The following IST1 variants were observed in gnomAD, a reference collection of about 807,000 sequenced individuals.
IST1 encodes the protein IST1 homolog.
In IST1, 23 loss-of-function variants were observed where a neutral mutation model predicts 37.0. The observed-to-expected ratio is 0.62, with a 90% CI of 0.45 to 0.88. The LOEUF (loss-of-function observed/expected upper bound fraction) is 0.88. Ranked by LOEUF, IST1 falls within the 40% of genes least tolerant of loss-of-function variation. The pLI, the probability that IST1 is intolerant of heterozygous loss-of-function variation, is 0.00. For missense variants in IST1, 488 were observed against 445.4 expected, an observed-to-expected ratio of 1.10 and a Z score of -0.86; for synonymous variants, 180 against 161.7, an observed-to-expected ratio of 1.11 and a Z score of -0.86.
intron 1 of IST1, among the ~76,000 whole-genome samples, chr16:71,900,927 T>C (rs2037094129): frequency 6.6e-6 from 1 of 152,182 alleles, no homozygotes; most frequent in Non-Finnish European, 1.5e-5. Context: ...GTAAAGATGT[T>C]GAAGCACAGT....
intron 1 of IST1, among the ~76,000 whole-genome samples, chr16:71,912,992 C>G (rs1389417327): frequency 6.6e-6 from 1 of 152,142 alleles, no homozygotes; most frequent in Non-Finnish European, 1.5e-5. Flanking sequence ...TTTTGTTTAT[C>G]CATGAATCCC....
chr16:71,914,170 CTT>C (rs35711807), intron 1 of IST1, among the ~76,000 whole-genome samples: 13 of 135,022 alleles, frequency 9.6e-5, no homozygotes, highest in East Asian at 2.1e-4. Context: ...GGGGTTGTAC[CTT>C]TTTTTTTTTT....
chr16:71,915,303 A>C (rs1018569924), intron 1 of IST1, among the ~76,000 whole-genome samples: 6 of 152,072 alleles, frequency 3.9e-5, no homozygotes, highest in East Asian at 1.9e-4. Flanking sequence ...TCTGTCACCA[A>C]ATTCTTTCAG....
intron 1 of IST1, among the ~76,000 whole-genome samples, chr16:71,906,374 C>T (rs1287585233): frequency 6.6e-6 from 1 of 152,026 alleles, no homozygotes; most frequent in Non-Finnish European, 1.5e-5. Flanking sequence ...GTGGTCCGAT[C>T]TCAGCTCACT....
At chr16:71,907,737 T>C (rs2037258456) in intron 1 of IST1, among the ~76,000 whole-genome samples, 1 of 152,246 alleles carries the variant, frequency 6.6e-6, no homozygotes. Context: ...CCTGGCTCTT[T>C]TCTCTGTCAT....
At chr16:71,894,718 T>TTTA, upstream of IST1, 1 of 567,560 alleles carries the variant, frequency 1.8e-6, no homozygotes. Context: ...TTTTTTTTTG[T>TTTA]AGCGATGCGG....
chr16:71,917,235 C>T (rs760632934), intron 4 of IST1, 101 bp downstream of exon 4: 37 of 673,352 alleles, frequency 5.5e-5, no homozygotes, highest in Non-Finnish European at 8.8e-5. Flanking sequence ...TATTTTGTAC[C>T]ATTCTTATGT....
chr16:71,926,744 C>CT (rs773861195), intron 9 of IST1, among the ~76,000 whole-genome samples: 1 of 152,182 alleles, frequency 6.6e-6, no homozygotes, highest in Non-Finnish European at 1.5e-5. Flanking sequence ...CCAGTCAACT[C>CT]TGCCCTTCCC....
chr16:71,895,528 G>A, upstream of IST1: 2 of 985,642 alleles, frequency 2.0e-6, no homozygotes, highest in Non-Finnish European at 2.4e-6. Context: ...CGAGGGAGTC[G>A]CCATTTTGGA....
At chr16:71,917,265 G>A in intron 4 of IST1, 131 bp downstream of exon 4, 1 of 576,668 alleles carries the variant, frequency 1.7e-6, no homozygotes, top group Non-Finnish European at 3.0e-6. Context: ...AATAGGTTTT[G>A]TAAATTTGTT....
At chr16:71,921,041 G>A (rs957963065) in intron 5 of IST1, 3 of 618,090 alleles carry the variant, frequency 4.9e-6, no homozygotes, top group Non-Finnish European at 5.9e-6. Flanking sequence ...TCCCCACTTT[G>A]TATGCCTCGT....
intron 6 of IST1, chr16:71,921,696 C>A (rs1567471993): frequency 2.4e-6 from 1 of 412,262 alleles, no homozygotes; most frequent in South Asian, 2.9e-5. Context: ...ATTATTGCTA[C>A]TTTTTGGTGA....
At chr16:71,925,316 ATT>A (rs772300347) in intron 9 of IST1, among the ~76,000 whole-genome samples, 15 of 78,770 alleles carry the variant, frequency 1.9e-4, no homozygotes, top group Admixed American at 5.8e-4. Context: ...CCCCCAGCTG[ATT>A]TTTTTTTTTT....
At chr16:71,924,642 G>T in intron 8 of IST1, 127 bp from the exon 9 acceptor site, 1 of 735,622 alleles carries the variant, frequency 1.4e-6, no homozygotes, top group Non-Finnish European at 2.4e-6. Context: ...TGCAGGGGCA[G>T]TTTCTTTGGA....
chr16:71,916,705 C>G lies in IST1; in HGVS notation c.269+63C>G, dbSNP rs951297956. 88 of 1,381,090 alleles carry G rather than the reference C, an allele frequency of 6.4e-5. No homozygotes were observed. The Middle Eastern group carries it at 1.3e-3, about 21-fold the overall frequency. The allele number at this position is 1,381,090 out of a possible 1,614,324, so 85.6% of individuals were successfully genotyped here. On this transcript the variant is annotated intron_variant, in intron 3 of 9. Transcript: ENST00000378799. ...GAATTTGAGAAAGGAGTAATATGAT[C>G]TCTTTCTGCATTAAGGGACTATTTC...
At chr16:71,907,375 T>TAATGCCATTCTCCTGCCTC (rs1281724620) in intron 1 of IST1, among the ~76,000 whole-genome samples, 1 of 151,884 alleles carries the variant, frequency 6.6e-6, no homozygotes, top group African/African-American at 2.4e-5. Flanking sequence ...CCTCCTGGGT[T>TAATGCCATTCTCCTGCCTC]CATGCCATTC....
intron 1 of IST1, among the ~76,000 whole-genome samples, chr16:71,908,143 CATGTTAG>C (rs971415649): frequency 3.3e-5 from 5 of 151,774 alleles, no homozygotes; most frequent in African/African-American, 4.8e-5. Context: ...GGGGTTTCAT[CATGTTAG>C]CCAGGCTGGT....
At chr16:71,910,317 A>T (rs1403220644) in intron 1 of IST1, among the ~76,000 whole-genome samples, 1 of 152,114 alleles carries the variant, frequency 6.6e-6, no homozygotes, top group Admixed American at 6.6e-5. Context: ...ATTGAAAAAC[A>T]TGGTACTGGC....
At chr16:71,925,958 C>T (rs905008555) in intron 9 of IST1, among the ~76,000 whole-genome samples, 1 of 151,048 alleles carries the variant, frequency 6.6e-6, no homozygotes, top group Non-Finnish European at 1.5e-5. Flanking sequence ...AAGATAATAC[C>T]TACCAGCAAA....
Sources: allele counts gnomAD v4.1 joint callset (sites outside exome capture counted in the v4.1 genomes callset), GRCh38; gene constraint gnomAD v4.1.1; transcripts MANE v1.5; gene names NCBI Gene and HGNC (gene_info 2026-07-23, HGNC 2026-07-21).